WDR88: variants seen among roughly 807,000 people sequenced by gnomAD.
WDR88 encodes the protein WD repeat-containing protein 88.
WDR88 carries 40 observed loss-of-function variants against 46.8 expected under a neutral mutation model. That is an observed-to-expected ratio of 0.86 (90% CI 0.66 to 1.11). The LOEUF is 1.11. WDR88 is among the 50% of genes most tolerant of loss of function. WDR88 has a pLI of 0.00. For missense variants in WDR88, 562 were observed against 602.4 expected (o/e 0.93, Z 0.70); for synonymous variants, 235 against 240.7 (o/e 0.98, Z 0.22).
At chr19:33,140,476 G>A (rs1247133960) in intron 2 of WDR88, among the ~76,000 whole-genome samples, 1 of 152,078 alleles carries the variant, frequency 6.6e-6, no homozygotes, top group African/African-American at 2.4e-5. Context: ...AGATGTATGC[G>A]GACATGTGTG....
At chr19:33,151,500 A>AGAT (rs1973634101) in intron 6 of WDR88, among the ~76,000 whole-genome samples, 190 bp downstream of exon 6, 1 of 150,624 alleles carries the variant, frequency 6.6e-6, no homozygotes, top group African/African-American at 2.5e-5. Flanking sequence ...GCTGGGCCTC[A>AGAT]GATGCATTTG....
chr19:33,140,605 T>C (rs896730061), intron 2 of WDR88, among the ~76,000 whole-genome samples: 1 of 152,066 alleles, frequency 6.6e-6, no homozygotes, highest in Non-Finnish European at 1.5e-5. Flanking sequence ...GCCTGACCAA[T>C]GTGGTGAAAC....
rs771914123 is a variant in WDR88, at chr19:33,147,700, A to T, written c.532A>T (p.Lys178Ter). The T allele has an allele frequency of 9.9e-6, 16 of 1,613,830 alleles. No individual in the cohort carries two copies. In the East Asian group the frequency reaches 3.6e-4, roughly 36 times the overall value. The change falls in exon 4 of 11, where the codon AAG (lysine) becomes TAG (stop). Residue 178 changes from lysine (K) to a stop codon, truncating the protein, a stop_gained. Coordinates refer to ENST00000355868, the MANE Select transcript of WDR88 (RefSeq NM_173479.4). LOFTEE classifies it high-confidence loss of function. ...TVRAWDLETG[K>*]LLWKVRYDTF... is the part of the protein sequence containing the mutation. ...GAGGGCCTGGGACCTGGAGACAGGC[A>T]AGCTGCTGGTACGTATGCCTGTCCA...
chr19:33,143,766 G>A (rs1013561680), intron 2 of WDR88, among the ~76,000 whole-genome samples: 1 of 151,908 alleles, frequency 6.6e-6, no homozygotes, highest in Non-Finnish European at 1.5e-5. Context: ...TGACCCCAAA[G>A]TTAACGGCTG....
chr19:33,168,968 G>A (rs948086146), intron 9 of WDR88, among the ~76,000 whole-genome samples: 7 of 152,138 alleles, frequency 4.6e-5, no homozygotes, highest in South Asian at 2.1e-4. Context: ...GATTTTTGAC[G>A]AGGGTGCCGA....
intron 9 of WDR88, 119 bp downstream of exon 9, chr19:33,164,384 T>C: frequency 1.1e-6 from 1 of 885,766 alleles, no homozygotes; most frequent in Admixed American, 1.9e-5. Flanking sequence ...GACCGGGCCA[T>C]CGTGTTCACG....
intron 9 of WDR88, among the ~76,000 whole-genome samples, chr19:33,166,247 C>T (rs544319405): frequency 7.2e-6 from 1 of 138,740 alleles, no homozygotes; most frequent in South Asian, 2.3e-4. Flanking sequence ...CACTGCACTC[C>T]AGCCTGGGCC....
intron 7 of WDR88, among the ~76,000 whole-genome samples, chr19:33,159,696 C>A (rs1437144879): frequency 6.6e-6 from 1 of 152,208 alleles, no homozygotes; most frequent in Admixed American, 6.5e-5. Flanking sequence ...ACTGCAGAGG[C>A]CCCCAACCTT....
intron 2 of WDR88, chr19:33,142,684 A>T (rs1440714044): frequency 6.6e-6 from 1 of 151,690 alleles, no homozygotes; most frequent in Non-Finnish European, 1.5e-5. Flanking sequence ...CACAGACAGC[A>T]GTCCCGGGGG....
chr19:33,135,035 G>A (rs1973230400), intron 1 of WDR88, among the ~76,000 whole-genome samples: 1 of 124,536 alleles, frequency 8.0e-6, no homozygotes, highest in Non-Finnish European at 1.6e-5. Context: ...GTGTCGCCAT[G>A]CGCGAGCTGG....
At chr19:33,172,549 A>AT in intron 10 of WDR88, 109 bp downstream of exon 10, 2 of 893,386 alleles carry the variant, frequency 2.2e-6, no homozygotes, top group Non-Finnish European at 3.4e-6. Flanking sequence ...ATCGTGAACA[A>AT]ACAGACTGAC....
At chr19:33,156,603 T>C (rs1295574507) in intron 7 of WDR88, 61 bp downstream of exon 7, 2 of 1,532,902 alleles carry the variant, frequency 1.3e-6, no homozygotes, top group Non-Finnish European at 1.8e-6. Flanking sequence ...GAGTTCTCCA[T>C]GTTCCGTTCA....
chr19:33,133,682 G>A (rs1175095033), intron 1 of WDR88, among the ~76,000 whole-genome samples: 3 of 152,176 alleles, frequency 2.0e-5, no homozygotes, highest in East Asian at 3.8e-4. Flanking sequence ...GAAGTCTGGC[G>A]ATCTGCCTGT....
chr19:33,149,776 C>G (rs1190596910), intron 5 of WDR88, among the ~76,000 whole-genome samples: 1 of 152,000 alleles, frequency 6.6e-6, no homozygotes, highest in African/African-American at 2.4e-5. Flanking sequence ...CTCCTTGCCT[C>G]AGCCTTCTGA....
chr19:33,164,559 G>GCATCAACTC (rs1456897856), intron 9 of WDR88, among the ~76,000 whole-genome samples: 3 of 152,206 alleles, frequency 2.0e-5, no homozygotes, highest in Non-Finnish European at 4.4e-5. Flanking sequence ...TGAAGGGAAA[G>GCATCAACTC]CATCAACTCA....
chr19:33,171,377 T>C (rs1332641462), intron 9 of WDR88, among the ~76,000 whole-genome samples: 1 of 152,230 alleles, frequency 6.6e-6, no homozygotes. Context: ...CTGTAGGAAG[T>C]ATGCTTATTG....
intron 6 of WDR88, among the ~76,000 whole-genome samples, chr19:33,155,587 A>G (rs61565833): frequency 0.074 from 11,313 of 152,196 alleles, 714 homozygotes; most frequent in African/African-American, 0.17. Flanking sequence ...GGGGTGGAAC[A>G]GGGGGAGACC....
chr19:33,142,484 G>A (rs1286456037), intron 2 of WDR88, among the ~76,000 whole-genome samples: 1 of 151,988 alleles, frequency 6.6e-6, no homozygotes, highest in African/African-American at 2.4e-5. Flanking sequence ...ATGGGAAGGA[G>A]GGCATATGAG....
rs528541895 is a variant in WDR88, at chr19:33,133,302, C to G, written c.276+857C>G. The stretch of plus-strand genomic sequence containing the variant: ...GTGGCTCATGTCTGTAATCCCAGCA[C>G]TTTGGGAAGCCGAGATGAGCAGATC... On this transcript the variant is annotated intron_variant, in intron 1 of 10. Transcript: ENST00000355868. 2.6e-5 allele frequency among the ~76,000 whole-genome samples: 4 copies of G among 152,088 alleles called. No individual in the cohort carries two copies. In the East Asian group the frequency reaches 7.7e-4, roughly 29 times the overall value.
Sources: gnomAD v4.1 joint callset for allele counts (sites outside exome capture counted in the v4.1 genomes callset) on GRCh38, gnomAD v4.1.1 for gene constraint, MANE v1.5 for transcripts, NCBI Gene and HGNC (gene_info 2026-07-23, HGNC 2026-07-21) for gene names.